AP3B1: variants seen among roughly 807,000 people sequenced by gnomAD.
The protein encoded by AP3B1 is AP-3 complex subunit beta-1.
Under a neutral mutation model 132.5 loss-of-function variants are expected in AP3B1, and 61 were observed. The observed-to-expected ratio is 0.46, with a 90% CI of 0.37 to 0.57. AP3B1 has a LOEUF of 0.57. AP3B1 is among the 20% of genes least tolerant of loss of function. The pLI, the probability that AP3B1 is intolerant of heterozygous loss-of-function variation, is 0.00. For missense variants in AP3B1, 1,120 were observed against 1,289.4 expected, an observed-to-expected ratio of 0.87 and a Z score of 2.01; for synonymous variants, 388 against 438.3, an observed-to-expected ratio of 0.89 and a Z score of 1.43.
chr5:78,260,857 A>G (rs1748060123), intron 2 of AP3B1, among the ~76,000 whole-genome samples: 1 of 114,344 alleles, frequency 8.7e-6, no homozygotes, highest in Non-Finnish European at 2.0e-5. Flanking sequence ...GTGGAATCAT[A>G]CAATTTTTTG....
At chr5:78,067,785 C>T (rs1749353357) in intron 22 of AP3B1, among the ~76,000 whole-genome samples, 2 of 152,070 alleles carry the variant, frequency 1.3e-5, no homozygotes, top group South Asian at 4.1e-4. Context: ...AAATTTATAG[C>T]ACTAAATGCC....
chr5:78,256,336 T>G (rs2112544122), intron 2 of AP3B1, among the ~76,000 whole-genome samples: 1 of 152,104 alleles, frequency 6.6e-6, no homozygotes, highest in Non-Finnish European at 1.5e-5. Flanking sequence ...AAGAAGATAT[T>G]ACAACTGATG....
chr5:78,197,685 T>C (rs1745130051), intron 7 of AP3B1, among the ~76,000 whole-genome samples: 3 of 152,114 alleles, frequency 2.0e-5, no homozygotes, highest in African/African-American at 2.4e-5. Context: ...CAAACTATGA[T>C]CTTTTGTCAG....
At position 78,091,418 on chromosome 5, in the gene AP3B1, C is replaced by G. The variant is rs148498614; in HGVS notation, c.2471-1919G>C. Among the ~76,000 whole-genome samples, 1,401 of 152,080 alleles carry G rather than the reference C, an allele frequency of 9.2e-3. 4 individuals carry two copies. The highest frequency in any genetic ancestry group is 0.015 in the Admixed American group (224 of 15,258). ...GAGGTTGGATGGGGAGGGAGTGGAG[C>G]TCTTGGTCTTCCCTACGCTCACTTA... On this transcript the variant is annotated intron_variant, in intron 21 of 26. Coordinates refer to ENST00000255194, the MANE Select transcript of AP3B1 (RefSeq NM_003664.5).
At chr5:78,140,614 A>C (rs1753104976) in intron 15 of AP3B1, among the ~76,000 whole-genome samples, 1 of 152,196 alleles carries the variant, frequency 6.6e-6, no homozygotes, top group Non-Finnish European at 1.5e-5. Context: ...CTTATGACCT[A>C]ATCACCTCCC....
At chr5:78,226,151 G>GC in intron 5 of AP3B1, among the ~76,000 whole-genome samples, 1 of 152,118 alleles carries the variant, frequency 6.6e-6, no homozygotes, top group Admixed American at 6.5e-5. Context: ...TAAGCTCAAG[G>GC]CAAGGAGAGG....
At chr5:78,277,528 G>C (rs1345115957) in intron 1 of AP3B1, among the ~76,000 whole-genome samples, 1 of 152,044 alleles carries the variant, frequency 6.6e-6, no homozygotes, top group African/African-American at 2.4e-5. Context: ...AGTAAGACTG[G>C]GTGATCACAA....
At chr5:78,129,934 G>C (rs180828513) in intron 15 of AP3B1, among the ~76,000 whole-genome samples, 9 of 152,106 alleles carry the variant, frequency 5.9e-5, no homozygotes, top group Non-Finnish European at 7.4e-5. Context: ...TGAAAACTAG[G>C]ATAAAAGACT....
At chr5:78,179,835 G>A (rs1744293887) in intron 8 of AP3B1, among the ~76,000 whole-genome samples, 1 of 152,030 alleles carries the variant, frequency 6.6e-6, no homozygotes, top group African/African-American at 2.4e-5. Flanking sequence ...CTCATATTTA[G>A]CAGCATCCCA....
At chr5:78,192,361 G>A (rs1023862682) in intron 7 of AP3B1, among the ~76,000 whole-genome samples, 3 of 151,770 alleles carry the variant, frequency 2.0e-5, no homozygotes, top group Non-Finnish European at 4.4e-5. Flanking sequence ...TGAAATCCTA[G>A]GCCAGGCGCA....
chr5:78,278,004 T>C (rs1342883067), intron 1 of AP3B1, among the ~76,000 whole-genome samples: 1 of 152,160 alleles, frequency 6.6e-6, no homozygotes, highest in Non-Finnish European at 1.5e-5. Context: ...TGTTTTACCT[T>C]TGCTCAGGAG....
At chr5:78,136,821 G>C (rs1752933443) in intron 15 of AP3B1, among the ~76,000 whole-genome samples, 1 of 150,978 alleles carries the variant, frequency 6.6e-6, no homozygotes. Context: ...GGTTTTTATT[G>C]TGTGATTTTG....
intron 7 of AP3B1, among the ~76,000 whole-genome samples, chr5:78,211,390 T>C (rs1487547030): frequency 1.3e-5 from 2 of 152,144 alleles, no homozygotes; most frequent in African/African-American, 4.8e-5. Context: ...AAATCATACA[T>C]TTACATATAA....
chr5:78,097,530 G>A (rs1335624511), intron 21 of AP3B1, among the ~76,000 whole-genome samples: 7 of 117,368 alleles, frequency 6.0e-5, no homozygotes, highest in South Asian at 2.7e-4. Context: ...CCCCCCGCCC[G>A]GCCAGCCGCC....
intron 20 of AP3B1, among the ~76,000 whole-genome samples, chr5:78,109,087 G>A (rs577170126): frequency 1.3e-5 from 2 of 152,156 alleles, no homozygotes; most frequent in South Asian, 4.1e-4. Flanking sequence ...CTCACTAAGT[G>A]ATAAGTTTTT....
chr5:78,256,011 A>G (rs772990073), intron 2 of AP3B1, among the ~76,000 whole-genome samples: 8 of 152,122 alleles, frequency 5.3e-5, no homozygotes, highest in South Asian at 2.1e-4. Flanking sequence ...GAAGTAATTA[A>G]GAAAGAAACT....
chr5:78,002,337 T>A lies in AP3B1; in HGVS notation c.*565A>T, dbSNP rs999162849. On this transcript the variant is annotated 3_prime_UTR_variant, in exon 27 of 27. Transcript: ENST00000255194. Reference sequence around the variant, plus strand: ...AATGCAAAGACAAATATGATTCATATGCTAGTTTATTTATCTTATTATTGA... The same window carrying A: ...AATGCAAAGACAAATATGATTCATAAGCTAGTTTATTTATCTTATTATTGA... 1.1e-4 allele frequency: 39 copies of A among 344,544 alleles called. No homozygotes were observed. The East Asian group carries it at 1.6e-3, about 14-fold the overall frequency. The allele number at this position is 344,544 out of a possible 1,614,324, so 21.3% of individuals were successfully genotyped here.
intron 7 of AP3B1, among the ~76,000 whole-genome samples, chr5:78,211,663 T>C (rs1745744031): frequency 6.6e-6 from 1 of 152,218 alleles, no homozygotes; most frequent in South Asian, 2.1e-4. Context: ...GAGAGCAAAT[T>C]TAATTATGGT....
intron 7 of AP3B1, among the ~76,000 whole-genome samples, chr5:78,206,986 G>A (rs879661472): frequency 2.6e-4 from 40 of 151,990 alleles, no homozygotes; most frequent in Admixed American, 2.0e-4. Context: ...GGCCAGGCAC[G>A]GTGGCTCACA....
Sources: allele counts gnomAD v4.1 joint callset (sites outside exome capture counted in the v4.1 genomes callset), GRCh38; gene constraint gnomAD v4.1.1; transcripts MANE v1.5; gene names NCBI Gene and HGNC (gene_info 2026-07-23, HGNC 2026-07-21).